MARCHF1: variants seen among roughly 807,000 people sequenced by gnomAD.
The protein encoded by MARCHF1 is E3 ubiquitin-protein ligase MARCHF1.
In MARCHF1, 40 loss-of-function variants were observed where a neutral mutation model predicts 54.2. That is an observed-to-expected ratio of 0.74 (90% CI 0.57 to 0.96). MARCHF1 has a LOEUF of 0.96. Among genes scored for constraint, MARCHF1 ranks in the 40% least tolerant of loss-of-function variants. The pLI is 0.00. For synonymous variants in MARCHF1, 236 were observed against 236.3 expected (o/e 1.00, Z 0.01); for missense variants, 586 against 656.5 (o/e 0.89, Z 1.17).
chr4:163,886,012 T>A (rs1297118649), intron 3 of MARCHF1, among the ~76,000 whole-genome samples: 1 of 139,676 alleles, frequency 7.2e-6, no homozygotes, highest in Admixed American at 7.1e-5. Context: ...CACACTACCA[T>A]ACCTAGCTAA....
intron 4 of MARCHF1, among the ~76,000 whole-genome samples, chr4:163,850,869 G>A (rs1749622121): frequency 6.6e-6 from 1 of 152,144 alleles, no homozygotes; most frequent in African/African-American, 2.4e-5. Context: ...TAGTGTGAAG[G>A]CAGATACGTA....
At chr4:164,063,041 G>T (rs1046450975) in intron 2 of MARCHF1, among the ~76,000 whole-genome samples, 4 of 152,272 alleles carry the variant, frequency 2.6e-5, no homozygotes, top group Non-Finnish European at 4.4e-5. Context: ...TCTCAACATA[G>T]GGGTTAAAAC....
intron 1 of MARCHF1, among the ~76,000 whole-genome samples, chr4:164,360,995 C>A (rs1225883379): frequency 6.6e-6 from 1 of 151,486 alleles, no homozygotes; most frequent in Non-Finnish European, 1.5e-5. Context: ...AACACTGTAC[C>A]ATAATGACCC....
intron 1 of MARCHF1, among the ~76,000 whole-genome samples, chr4:164,199,640 A>T (rs1023031934): frequency 2.6e-4 from 21 of 80,726 alleles, no homozygotes; most frequent in African/African-American, 9.0e-4. Flanking sequence ...TGTCACACAC[A>T]CACACACACA....
chr4:164,224,728 T>C (rs964615134), intron 1 of MARCHF1, among the ~76,000 whole-genome samples: 18 of 152,066 alleles, frequency 1.2e-4, no homozygotes, highest in African/African-American at 3.6e-4. Flanking sequence ...ATTAAGTTTA[T>C]AAATATTTTA....
At chr4:164,098,350 G>A (rs777917890) in intron 2 of MARCHF1, among the ~76,000 whole-genome samples, 1 of 152,186 alleles carries the variant, frequency 6.6e-6, no homozygotes, top group Non-Finnish European at 1.5e-5. Context: ...GGACAGGTAT[G>A]TTAGGAAGAC....
At chr4:163,648,921 GA>G (rs34898097) in intron 5 of MARCHF1, among the ~76,000 whole-genome samples, 97 of 146,042 alleles carry the variant, frequency 6.6e-4, no homozygotes, top group Middle Eastern at 3.5e-3. Context: ...ATCTTTGGGG[GA>G]AAAAAAAAAA....
In MARCHF1 at chr4:164,106,624, G is replaced by T. The variant is rs548839054; in HGVS notation, c.-248+4964C>A. On this transcript the variant is annotated intron_variant, in intron 2 of 9. Transcript: ENST00000514618. ...CACTCTGGGGACTGTTGTGGGGTAG[G>T]GGGAGGGGGGAGGGATAACATCGGG... Among the ~76,000 whole-genome samples, 3 of 148,506 alleles carry T rather than the reference G, an allele frequency of 2.0e-5. No individual in the cohort carries two copies. The South Asian group carries it at 6.5e-4, about 32-fold the overall frequency.
chr4:164,077,895 G>A (rs1488973858), intron 2 of MARCHF1, among the ~76,000 whole-genome samples: 1 of 152,228 alleles, frequency 6.6e-6, no homozygotes, highest in Non-Finnish European at 1.5e-5. Context: ...ATGTTGGAGA[G>A]GATGTGGAGA....
chr4:164,180,876 G>T (rs1730813840), intron 1 of MARCHF1, among the ~76,000 whole-genome samples: 2 of 152,096 alleles, frequency 1.3e-5, no homozygotes, highest in African/African-American at 2.4e-5. Flanking sequence ...AGTCCAACCT[G>T]CCATCTCTCA....
At chr4:163,964,945 T>C (rs988863108) in intron 3 of MARCHF1, among the ~76,000 whole-genome samples, 2 of 152,020 alleles carry the variant, frequency 1.3e-5, no homozygotes, top group African/African-American at 2.4e-5. Flanking sequence ...TATCTAACAA[T>C]TTTTAAGTAA....
intron 4 of MARCHF1, among the ~76,000 whole-genome samples, chr4:163,837,377 AAAT>A (rs1288082711): frequency 6.6e-6 from 1 of 151,232 alleles, no homozygotes; most frequent in Non-Finnish European, 1.5e-5. Context: ...ATATAAACTC[AAAT>A]AAAAGGCAAA....
intron 5 of MARCHF1, among the ~76,000 whole-genome samples, chr4:163,619,873 A>C (rs1741624391): frequency 6.6e-6 from 1 of 152,168 alleles, no homozygotes; most frequent in Admixed American, 6.5e-5. Flanking sequence ...GTAAAACAAA[A>C]TGTGATATAG....
At chr4:163,599,304 T>C (rs1321086878) in intron 7 of MARCHF1, among the ~76,000 whole-genome samples, 1 of 150,486 alleles carries the variant, frequency 6.6e-6, no homozygotes, top group Non-Finnish European at 1.5e-5. Context: ...AAATTATATA[T>C]ATATATATGT....
At chr4:163,579,580 G>C (rs1461591968) in intron 8 of MARCHF1, among the ~76,000 whole-genome samples, 1 of 152,148 alleles carries the variant, frequency 6.6e-6, no homozygotes, top group Non-Finnish European at 1.5e-5. Flanking sequence ...AAACTTATCT[G>C]GCTCATTTGA....
chr4:164,186,432 C>G (rs150685364), intron 1 of MARCHF1, among the ~76,000 whole-genome samples: 288 of 152,334 alleles, frequency 1.9e-3, no homozygotes, highest in African/African-American at 6.5e-3. Flanking sequence ...ACACTGCTCA[C>G]TTCCAACTTT....
At chr4:164,167,458 A>T (rs1730410961) in intron 1 of MARCHF1, among the ~76,000 whole-genome samples, 1 of 151,856 alleles carries the variant, frequency 6.6e-6, no homozygotes, top group South Asian at 2.1e-4. Flanking sequence ...AACCACAAAA[A>T]CCTGAAATAG....
chr4:163,880,487 C>T (rs898389737), intron 3 of MARCHF1, among the ~76,000 whole-genome samples: 1 of 150,950 alleles, frequency 6.6e-6, no homozygotes, highest in African/African-American at 2.4e-5. Flanking sequence ...TTTCAATTCT[C>T]TATATTTCTA....
intron 1 of MARCHF1, among the ~76,000 whole-genome samples, chr4:164,218,252 A>G (rs1316774142): frequency 6.6e-6 from 1 of 152,212 alleles, no homozygotes; most frequent in Non-Finnish European, 1.5e-5. Flanking sequence ...TTACTTTTCT[A>G]TAACAAGGAG....
Sources: allele counts gnomAD v4.1 joint callset (sites outside exome capture counted in the v4.1 genomes callset), GRCh38; gene constraint gnomAD v4.1.1; transcripts MANE v1.5; gene names NCBI Gene and HGNC (gene_info 2026-07-23, HGNC 2026-07-21).